The following WDR25 variants were observed in gnomAD, a reference collection of about 807,000 sequenced individuals.
WDR25 encodes the protein WD repeat domain 25.
WDR25 carries 35 observed loss-of-function variants against 47.7 expected under a neutral mutation model. The ratio of observed to expected loss-of-function variants is 0.73; its 90% confidence interval spans 0.56 to 0.97. The LOEUF (loss-of-function observed/expected upper bound fraction) is 0.97. WDR25 is among the 50% of genes least tolerant of loss of function. WDR25 has a pLI of 0.00. For synonymous variants in WDR25, 248 were observed against 278.9 expected, an observed-to-expected ratio of 0.89 and a Z score of 1.10; for missense variants, 634 against 704.7, an observed-to-expected ratio of 0.90 and a Z score of 1.14.
intron 2 of WDR25, among the ~76,000 whole-genome samples, chr14:100,394,994 T>A (rs73359500): frequency 0.023 from 3,508 of 151,388 alleles, 145 homozygotes; most frequent in African/African-American, 0.081. Flanking sequence ...ATGAAATCGA[T>A]GAGGGGCAGC....
At chr14:100,461,126 A>T (rs937663788) in intron 2 of WDR25, among the ~76,000 whole-genome samples, 5 of 152,258 alleles carry the variant, frequency 3.3e-5, no homozygotes, top group South Asian at 4.1e-4. Flanking sequence ...AGGTGGGAGG[A>T]TTGCTTGAGC....
At chr14:100,474,384 G>C (rs563292723) in intron 3 of WDR25, among the ~76,000 whole-genome samples, 4 of 152,132 alleles carry the variant, frequency 2.6e-5, no homozygotes, top group Admixed American at 2.6e-4. Context: ...CACAGCTCAC[G>C]CCAGCCCTCT....
intron 2 of WDR25, among the ~76,000 whole-genome samples, chr14:100,450,906 C>T (rs1356978017): frequency 6.6e-6 from 1 of 152,136 alleles, no homozygotes; most frequent in Non-Finnish European, 1.5e-5. Flanking sequence ...ACAGTCCCTA[C>T]AGGTGGGGCA....
In WDR25 at chr14:100,378,729, C is replaced by T. The variant is rs1418251037; in HGVS notation, c.-15-2181C>T. ...ATCCCAGCACTTTGGGAGGCCGAGG[C>T]GGGCGGATCACGAGGTCAGGAGATC... On this transcript the variant is annotated intron_variant, in intron 1 of 6. Transcript: ENST00000402312. Among the ~76,000 whole-genome samples, 11 of 25,310 alleles carry T rather than the reference C, an allele frequency of 4.3e-4. 3 individuals are homozygous for T. The highest frequency in any genetic ancestry group is 7.7e-4 in the African/African-American group (10 of 13,058). The allele number at this position is 25,310 out of a possible 152,430, so 16.6% of individuals were successfully genotyped here.
chr14:100,496,117 TCTTA>T (rs1363014371), intron 4 of WDR25, among the ~76,000 whole-genome samples: 2 of 152,250 alleles, frequency 1.3e-5, no homozygotes, highest in African/African-American at 4.8e-5. Context: ...CAGCACTTGT[TCTTA>T]CTTGTCTTTT....
intron 2 of WDR25, among the ~76,000 whole-genome samples, chr14:100,460,363 C>T (rs1039629982): frequency 9.2e-5 from 14 of 152,182 alleles, no homozygotes; most frequent in South Asian, 4.1e-4. Flanking sequence ...CCGCCTGCCT[C>T]GGCCTCCCAA....
At chr14:100,393,569 C>A (rs774203022) in intron 2 of WDR25, among the ~76,000 whole-genome samples, 1 of 152,176 alleles carries the variant, frequency 6.6e-6, no homozygotes, top group Non-Finnish European at 1.5e-5. Flanking sequence ...GGTTTGCTCC[C>A]AGGGCAGAAG....
intron 3 of WDR25, among the ~76,000 whole-genome samples, chr14:100,472,215 C>T (rs983311507): frequency 1.4e-4 from 22 of 152,242 alleles, no homozygotes; most frequent in African/African-American, 3.9e-4. Context: ...CCTGGAGCCC[C>T]GGCTGGGCAG....
rs937290266 is a variant in WDR25 at position 100,523,966 on chromosome 14, C to A, written c.1102-1904C>A. On this transcript the variant is annotated intron_variant, in intron 4 of 6. Coordinates refer to ENST00000402312, the MANE Select transcript of WDR25 (RefSeq NM_001161476.3). The surrounding 1 kb of genome is among the most constrained non-coding windows in gnomAD (Gnocchi z 4.7). ...CCTGGGGCATGAGCAGTTGTGAAGG[C>A]GAGTAAATCATGTTCGGTGGCGATC... Among the ~76,000 whole-genome samples the A allele has an allele frequency of 1.3e-5, 2 of 152,098 alleles. No individual in the cohort carries two copies. The highest frequency in any genetic ancestry group is 2.9e-5 in the Non-Finnish European group (2 of 68,028).
At position 100,381,454 on chromosome 14, in the gene WDR25, C is replaced by G; in HGVS notation, c.530C>G (p.Thr177Ser). 6.2e-7 allele frequency: 1 copy of G among 1,614,176 alleles called. No homozygotes were observed. The highest frequency in any genetic ancestry group is 8.5e-7 in the Non-Finnish European group (1 of 1,180,026). The stretch of plus-strand genomic sequence containing the variant: ...TGTGAGGACTGTGTGGTACCCTATA[C>G]TCCCAGAAGACTAAGACAGCGGCAG... ...KKCEDCVVPY[T>S]PRRLRQRQAL... Residue 177 changes from threonine (T) to serine (S), a missense_variant, in exon 2 of 7, where the codon ACT (threonine) becomes AGT (serine). Transcript: ENST00000402312.
intron 4 of WDR25, among the ~76,000 whole-genome samples, chr14:100,492,036 T>G (rs138555471): frequency 2.7e-4 from 41 of 152,334 alleles, no homozygotes; most frequent in Middle Eastern, 6.8e-3. Context: ...AGAGGACGCA[T>G]TTCATTTATC....
In WDR25 at chr14:100,424,353, ATC is replaced by A. The variant is rs2140218576; in HGVS notation, c.822+42608_822+42609del. On this transcript the variant is annotated intron_variant, in intron 2 of 6. Coordinates refer to ENST00000402312, the MANE Select transcript of WDR25 (RefSeq NM_001161476.3). The surrounding 1 kb of genome is among the most constrained non-coding windows in gnomAD (Gnocchi z 4.2). ...GACTGTTCACAGCCTCACAGTTTGC[ATC>A]CCGTGTAAACAAACATCAGCACCTG... Among the ~76,000 whole-genome samples, 1 of 152,330 alleles carries A rather than the reference ATC, an allele frequency of 6.6e-6. No individual in the cohort carries two copies. Among genetic ancestry groups the A allele is most frequent in the African/African-American group, 2.4e-5 (1 of 41,556 alleles).
Position 100,381,238 on chromosome 14 carries a change from T to A in WDR25, c.314T>A (p.Val105Asp), listed in dbSNP as rs1896884411. 1 of 1,613,514 alleles carries A rather than the reference T, an allele frequency of 6.2e-7. No homozygotes were observed. The highest frequency in any genetic ancestry group is 8.5e-7 in the Non-Finnish European group (1 of 1,179,894). Residue 105 changes from valine (V) to aspartate (D), a missense_variant, in exon 2 of 7, where the codon GTC becomes GAC. Transcript: ENST00000402312. ...CAGTGGCCCGGGAAGGAGCCTCAAG[T>A]CACCTTCCCCATCAAAGAGCCTTCT... ...RLQWPGKEPQ[V>D]TFPIKEPSCS...
intron 2 of WDR25, among the ~76,000 whole-genome samples, chr14:100,385,800 C>A (rs753447020): frequency 1.3e-4 from 20 of 152,246 alleles, no homozygotes; most frequent in Non-Finnish European, 2.8e-4. Flanking sequence ...TTTGGCTTAA[C>A]GTGTTTGAAC....
chr14:100,467,965 G>C, intron 2 of WDR25, 56 bp from the exon 3 acceptor site: 1 of 1,608,134 alleles, frequency 6.2e-7, no homozygotes, highest in South Asian at 1.1e-5. Context: ...GTCGAGCTGA[G>C]CCCTGGAGAT....
At chr14:100,505,993 C>T (rs114238402) in intron 4 of WDR25, among the ~76,000 whole-genome samples, 1,575 of 152,232 alleles carry the variant, frequency 0.01, 26 homozygotes, top group African/African-American at 0.036. Context: ...GTTGAGGTTT[C>T]GGGTATGATT....
At chr14:100,399,825 A>G (rs570567206) in intron 2 of WDR25, among the ~76,000 whole-genome samples, 71 of 152,200 alleles carry the variant, frequency 4.7e-4, no homozygotes, top group Non-Finnish European at 9.6e-4. Flanking sequence ...ATTTTGAGTA[A>G]TCTACTTCCC....
In WDR25 at chr14:100,494,204, C is replaced by T. The variant is rs754826112; in HGVS notation, c.1101+10080C>T. ...CTCCTAAAAGTGTTAGGATTATAGG[C>T]GTGAGCCACTACACCTAGCAGTGCA... On this transcript the variant is annotated intron_variant, in intron 4 of 6. Transcript: ENST00000402312. Among the ~76,000 whole-genome samples, 7 of 152,334 alleles carry T rather than the reference C, an allele frequency of 4.6e-5. 1 individual carries two copies. Among genetic ancestry groups the T allele is most frequent in the East Asian group, 1.9e-4 (1 of 5,186 alleles).
At chr14:100,412,893 G>A (rs1287461004) in intron 2 of WDR25, among the ~76,000 whole-genome samples, 1 of 152,108 alleles carries the variant, frequency 6.6e-6, no homozygotes, top group Admixed American at 6.5e-5. Flanking sequence ...ACAGTGGCGC[G>A]ATCTTGGCTC....
Sources: allele counts gnomAD v4.1 joint callset (sites outside exome capture counted in the v4.1 genomes callset), GRCh38; gene constraint gnomAD v4.1.1; non-coding constraint Gnocchi (gnomAD v3.1); transcripts MANE v1.5; gene names NCBI Gene and HGNC (gene_info 2026-07-23, HGNC 2026-07-21).